Variants in TCF12 observed in about 807,000 individuals in gnomAD.
The protein encoded by TCF12 is transcription factor 12.
A neutral mutation model predicts 86.0 loss-of-function variants in TCF12; 45 were observed. The ratio of observed to expected loss-of-function variants is 0.52; its 90% CI spans 0.41 to 0.67. The LOEUF (loss-of-function observed/expected upper bound fraction) is 0.67, where lower values mean the gene tolerates loss of function less well. TCF12 is among the 30% of genes least tolerant of loss of function. The pLI is 0.00. For synonymous variants in TCF12, 330 were observed against 299.6 expected (o/e 1.10, Z -1.05); for missense variants, 881 against 859.9 (o/e 1.02, Z -0.31).
In TCF12 at chr15:57,251,417, C is replaced by T. The variant is rs772707593; in HGVS notation, c.1182C>T (p.His394=). The change falls in exon 14 of 21, where the codon CAC becomes CAT. Residue 394 remains histidine, a synonymous_variant. Coordinates refer to ENST00000333725, the MANE Select transcript of TCF12 (RefSeq NM_207037.2). ...PSSPSYENSL[H]SLKNRVEQQL... ...CCCCAAGCTATGAAAACTCACTCCA[C>T]TCCCTGGTAAGAGCCTCTTATACAT... 5.0e-6 allele frequency: 8 copies of T among 1,613,916 alleles called. No individual in the cohort carries two copies. The South Asian group carries it at 7.7e-5, about 16-fold the overall frequency.
intron 3 of TCF12, among the ~76,000 whole-genome samples, chr15:56,939,254 C>T (rs2060620224): frequency 1.3e-5 from 2 of 151,972 alleles, no homozygotes; most frequent in Non-Finnish European, 2.9e-5. Context: ...GTAGCATTCA[C>T]TTATTTTAAG....
chr15:57,078,291 T>C (rs2070310747), intron 4 of TCF12, among the ~76,000 whole-genome samples: 2 of 152,186 alleles, frequency 1.3e-5, no homozygotes. Context: ...ACTTGTAATT[T>C]GGCGGACTGG....
At chr15:57,167,736 G>T (rs527850889) in intron 6 of TCF12, among the ~76,000 whole-genome samples, 1 of 152,122 alleles carries the variant, frequency 6.6e-6, no homozygotes, top group African/African-American at 2.4e-5. Flanking sequence ...AGATTTGGGG[G>T]TAGTTACTGG....
intron 8 of TCF12, among the ~76,000 whole-genome samples, chr15:57,203,133 G>A (rs1298740551): frequency 6.6e-6 from 1 of 152,182 alleles, no homozygotes; most frequent in Non-Finnish European, 1.5e-5. Flanking sequence ...TCCTTTTGTT[G>A]TTTAGAAAGC....
At chr15:57,226,129 A>C (rs1280939305) in intron 8 of TCF12, among the ~76,000 whole-genome samples, 4 of 150,974 alleles carry the variant, frequency 2.6e-5, no homozygotes, top group South Asian at 2.1e-4. Flanking sequence ...TTATAGGCCT[A>C]GAGTCTTAAT....
rs145598994 is a variant in TCF12 at position 57,164,415 on chromosome 15, C to A, written c.326-1987C>A. Among the ~76,000 whole-genome samples the A allele has an allele frequency of 6.2e-4, 95 of 152,226 alleles. 1 individual carries two copies. In the East Asian group the frequency reaches 0.018, roughly 28 times the overall value. On this transcript the variant is annotated intron_variant, in intron 5 of 20. Transcript: ENST00000333725. ...CTTACAGTCATGGCAGAAGGGGAAG[C>A]AAAAGTGTCCTCCTTCACATGGCAG...
At chr15:57,026,795 C>A (rs558313279) in intron 3 of TCF12, among the ~76,000 whole-genome samples, 1 of 152,006 alleles carries the variant, frequency 6.6e-6, no homozygotes, top group African/African-American at 2.4e-5. Flanking sequence ...GGTTCCAGGA[C>A]CCCTGCAGGT....
In TCF12 at chr15:57,065,125, G is replaced by A. The variant is rs542359408; in HGVS notation, c.222+1302G>A. ...TCCTTTGGAAAGAACTGGGATAGTCGTATGGAATCCAAAAAGATATATAAA... is the reference window on the plus strand; with the variant it reads ...TCCTTTGGAAAGAACTGGGATAGTCATATGGAATCCAAAAAGATATATAAA... On this transcript the variant is annotated intron_variant, in intron 4 of 20. Transcript: ENST00000333725. 1.1e-4 allele frequency among the ~76,000 whole-genome samples: 16 copies of A among 152,228 alleles called. No homozygotes were observed. The South Asian group carries it at 3.1e-3, about 30-fold the overall frequency.
At chr15:57,057,724 A>G (rs2068140684) in intron 3 of TCF12, among the ~76,000 whole-genome samples, 1 of 152,208 alleles carries the variant, frequency 6.6e-6, no homozygotes, top group Non-Finnish European at 1.5e-5. Context: ...TTTTGAGCAC[A>G]GGATGGACAT....
At chr15:57,211,799 C>T (rs1272114370) in intron 8 of TCF12, among the ~76,000 whole-genome samples, 1 of 152,158 alleles carries the variant, frequency 6.6e-6, no homozygotes, top group African/African-American at 2.4e-5. Flanking sequence ...ACTAAAAATA[C>T]AAAACTTAGC....
At chr15:57,031,352 G>T (rs143323799) in intron 3 of TCF12, among the ~76,000 whole-genome samples, 99 of 143,406 alleles carry the variant, frequency 6.9e-4, no homozygotes, top group African/African-American at 2.3e-3. Context: ...CCAGGAGCTT[G>T]GCTAAAAGGA....
intron 5 of TCF12, among the ~76,000 whole-genome samples, chr15:57,113,964 GA>G (rs573758450): frequency 1.3e-5 from 2 of 151,034 alleles, no homozygotes; most frequent in African/African-American, 2.4e-5. Flanking sequence ...TCAAAAAGAA[GA>G]AAAAAAATAG....
chr15:57,045,943 G>A (rs1318035187), intron 3 of TCF12, among the ~76,000 whole-genome samples: 1 of 152,156 alleles, frequency 6.6e-6, no homozygotes, highest in Admixed American at 6.5e-5. Context: ...TACCACAAAT[G>A]GGAAATCCAA....
chr15:57,171,862 CTT>C (rs1465536857), intron 6 of TCF12, among the ~76,000 whole-genome samples: 1 of 152,078 alleles, frequency 6.6e-6, no homozygotes, highest in Admixed American at 6.5e-5. Context: ...GTGAAAAATC[CTT>C]TTATCAGTAT....
chr15:57,025,300 G>C (rs1464331794), intron 3 of TCF12, among the ~76,000 whole-genome samples: 1 of 152,112 alleles, frequency 6.6e-6, no homozygotes, highest in South Asian at 2.1e-4. Context: ...CGCTGGTCTC[G>C]AATTCCTGAC....
At chr15:57,136,115 T>A (rs542836008) in intron 5 of TCF12, among the ~76,000 whole-genome samples, 1 of 152,346 alleles carries the variant, frequency 6.6e-6, no homozygotes, top group South Asian at 2.1e-4. Context: ...AAATCATTGA[T>A]CTATACTATT....
chr15:57,219,682 GT>G, intron 8 of TCF12: 2 of 833,290 alleles, frequency 2.4e-6, no homozygotes, highest in Non-Finnish European at 3.5e-6. Context: ...GTGAGGTTTT[GT>G]TTTATCCTTT....
chr15:57,212,849 G>A (rs2058171117), intron 8 of TCF12, among the ~76,000 whole-genome samples: 1 of 152,118 alleles, frequency 6.6e-6, no homozygotes, highest in Non-Finnish European at 1.5e-5. Flanking sequence ...CTGAAACCTG[G>A]ATCCCTGTCT....
At chr15:57,135,425 T>C (rs1017168708) in intron 5 of TCF12, among the ~76,000 whole-genome samples, 12 of 152,338 alleles carry the variant, frequency 7.9e-5, no homozygotes, top group Middle Eastern at 3.4e-3. Flanking sequence ...AGTCATGGTG[T>C]ATATAAGCTG....
Sources: allele counts gnomAD v4.1 joint callset (sites outside exome capture counted in the v4.1 genomes callset), GRCh38; gene constraint gnomAD v4.1.1; transcripts MANE v1.5; gene names NCBI Gene and HGNC (gene_info 2026-07-23, HGNC 2026-07-21).